ELP3: variants seen among roughly 807,000 people sequenced by gnomAD.
ELP3 encodes elongator acetyltransferase complex subunit 3, also known as elongator complex protein 3.
In ELP3, 56 loss-of-function variants were observed where a neutral mutation model predicts 74.9. That is an observed-to-expected ratio of 0.75 (90% CI 0.60 to 0.93). ELP3 has a LOEUF of 0.93. Ranked by LOEUF, ELP3 falls within the 40% of genes least tolerant of loss-of-function variation. The pLI, the probability that ELP3 is intolerant of heterozygous loss-of-function variation, is 0.00. For synonymous variants in ELP3, 222 were observed against 239.8 expected (o/e 0.93, Z 0.68); for missense variants, 573 against 686.5 (o/e 0.83, Z 1.85).
At chr8:28,184,189 A>G (rs1187692005) in intron 14 of ELP3, among the ~76,000 whole-genome samples, 1 of 152,184 alleles carries the variant, frequency 6.6e-6, no homozygotes, top group Non-Finnish European at 1.5e-5. Flanking sequence ...AGAGGCAGAA[A>G]GAAATTTAGC....
intron 11 of ELP3, among the ~76,000 whole-genome samples, chr8:28,157,818 A>G (rs764187133): frequency 9.9e-5 from 15 of 152,230 alleles, no homozygotes; most frequent in Non-Finnish European, 2.1e-4. Context: ...GTTGTGGAAT[A>G]GAAGTGAGAG....
chr8:28,097,498 G>A (rs1252480318), intron 2 of ELP3, among the ~76,000 whole-genome samples, 180 bp downstream of exon 2: 1 of 150,884 alleles, frequency 6.6e-6, no homozygotes. Flanking sequence ...TGGGGTTAAC[G>A]CCATTCTCCT....
chr8:28,180,560 TCTG>T (rs1236191549), intron 14 of ELP3, among the ~76,000 whole-genome samples: 3 of 152,138 alleles, frequency 2.0e-5, no homozygotes, highest in Non-Finnish European at 2.9e-5. Flanking sequence ...ATCTGGAGTC[TCTG>T]CTGTTTCTTG....
intron 10 of ELP3, among the ~76,000 whole-genome samples, chr8:28,149,548 G>T (rs183139010): frequency 3.2e-4 from 48 of 152,220 alleles, no homozygotes; most frequent in African/African-American, 1.1e-3. Context: ...CTGATACTAA[G>T]CGTTTCCATC....
chr8:28,179,882 G>A (rs138314953), intron 14 of ELP3, among the ~76,000 whole-genome samples: 14 of 152,242 alleles, frequency 9.2e-5, no homozygotes, highest in African/African-American at 3.1e-4. Flanking sequence ...GGGGACCCTT[G>A]TCTTGTCTTC....
chr8:28,127,111 G>T (rs1348392825), intron 7 of ELP3, among the ~76,000 whole-genome samples: 3 of 152,060 alleles, frequency 2.0e-5, no homozygotes, highest in Admixed American at 6.5e-5. Flanking sequence ...TTTTTGAAAT[G>T]GAGTTAAATT....
At chr8:28,189,043 C>T (rs1231745826) in intron 14 of ELP3, among the ~76,000 whole-genome samples, 1 of 152,224 alleles carries the variant, frequency 6.6e-6, no homozygotes, top group Admixed American at 6.5e-5. Flanking sequence ...TCACAAACCA[C>T]ACTTCATGAG....
At chr8:28,176,868 C>T (rs1049849362) in intron 14 of ELP3, among the ~76,000 whole-genome samples, 2 of 151,962 alleles carry the variant, frequency 1.3e-5, no homozygotes, top group African/African-American at 4.8e-5. Context: ...AAACAGAGAC[C>T]CTCTATTTTT....
chr8:28,178,069 A>G (rs1027805537), intron 14 of ELP3, among the ~76,000 whole-genome samples: 4 of 152,208 alleles, frequency 2.6e-5, no homozygotes, highest in Non-Finnish European at 5.9e-5. Context: ...AGTTTACTGG[A>G]AGCTGTAACA....
intron 7 of ELP3, among the ~76,000 whole-genome samples, chr8:28,128,515 G>A (rs1043234180): frequency 6.6e-6 from 1 of 152,108 alleles, no homozygotes; most frequent in East Asian, 1.9e-4. Context: ...AGAGAAGTCT[G>A]GGGTGGGTCC....
At position 28,176,726 on chromosome 8, in the gene ELP3, T is replaced by C. The variant is rs138441696; in HGVS notation, c.1568-12923T>C. On this transcript the variant is annotated intron_variant, in intron 14 of 14. Transcript: ENST00000256398. ...AGTCTGTATTTAAAGAGACTATAAA[T>C]AGAAGGGGTCCCTCTTCCTACCAGG... 4.2e-4 allele frequency among the ~76,000 whole-genome samples: 64 copies of C among 152,328 alleles called. 2 individuals carry two copies. The East Asian group carries it at 0.01, about 24-fold the overall frequency.
chr8:28,187,670 T>C (rs1400754462), intron 14 of ELP3, among the ~76,000 whole-genome samples: 1 of 152,152 alleles, frequency 6.6e-6, no homozygotes, highest in Non-Finnish European at 1.5e-5. Context: ...AGTCTCTTGA[T>C]TTGGAATTTG....
chr8:28,126,968 A>G (rs910709435), intron 7 of ELP3, among the ~76,000 whole-genome samples: 1 of 152,250 alleles, frequency 6.6e-6, no homozygotes, highest in African/African-American at 2.4e-5. Flanking sequence ...TGCAAATACA[A>G]TTCTGGAAAG....
intron 3 of ELP3, among the ~76,000 whole-genome samples, chr8:28,104,187 GTTC>G (rs1380647800): frequency 2.0e-5 from 3 of 152,140 alleles, no homozygotes; most frequent in African/African-American, 7.2e-5. Flanking sequence ...CTTTTGCCCT[GTTC>G]TTAATTGGGT....
chr8:28,167,810 G>C (rs2130570918), intron 14 of ELP3, among the ~76,000 whole-genome samples: 1 of 152,232 alleles, frequency 6.6e-6, no homozygotes, highest in Admixed American at 6.5e-5. Flanking sequence ...TTCTAATAAA[G>C]ATCATATATG....
At chr8:28,129,388 C>T in intron 7 of ELP3, 114 bp from the exon 8 acceptor site, 1 of 1,093,958 alleles carries the variant, frequency 9.1e-7, no homozygotes. Context: ...GGCTCCAGAG[C>T]CTACACTCTT....
chr8:28,092,223 A>G (rs7003435), upstream of ELP3, among the ~76,000 whole-genome samples: 1,369 of 134,514 alleles, frequency 0.01, 23 homozygotes, highest in African/African-American at 0.037. Flanking sequence ...TCACAAGCTT[A>G]ACTTTTTGTT....
intron 10 of ELP3, 111 bp from the exon 11 acceptor site, chr8:28,155,831 G>A (rs1042111695): frequency 7.4e-6 from 6 of 815,426 alleles, no homozygotes; most frequent in Admixed American, 2.5e-5. Context: ...AGCTTCATAG[G>A]TTTTTTGCTT....
intron 9 of ELP3, among the ~76,000 whole-genome samples, chr8:28,134,353 A>G (rs1046448041): frequency 6.6e-6 from 1 of 152,222 alleles, no homozygotes; most frequent in Non-Finnish European, 1.5e-5. Flanking sequence ...CATTGCAAGG[A>G]CAACCTTTCT....
Sources: allele counts gnomAD v4.1 joint callset (sites outside exome capture counted in the v4.1 genomes callset), GRCh38; gene constraint gnomAD v4.1.1; transcripts MANE v1.5; gene names NCBI Gene and HGNC (gene_info 2026-07-23, HGNC 2026-07-21).